ABCC4: variants seen among roughly 807,000 people sequenced by gnomAD.
ABCC4 encodes the protein ATP binding cassette subfamily C member 4 (PEL blood group).
Under a neutral mutation model 168.5 loss-of-function variants are expected in ABCC4, and 102 were observed. The observed-to-expected ratio is 0.61, with a 90% confidence interval of 0.52 to 0.71. ABCC4 has a LOEUF of 0.71. Among genes scored for constraint, ABCC4 ranks in the 30% least tolerant of loss-of-function variants. ABCC4 has a pLI of 0.00. For missense variants in ABCC4, 1,402 were observed against 1,605.8 expected (o/e 0.87, Z 2.17); for synonymous variants, 617 against 590.7 (o/e 1.04, Z -0.65).
intron 4 of ABCC4, among the ~76,000 whole-genome samples, chr13:95,233,957 C>T (rs527503768): frequency 5.9e-5 from 9 of 152,230 alleles, no homozygotes; most frequent in African/African-American, 1.9e-4. Flanking sequence ...TCTTAAATAC[C>T]ATTAAAAACA....
At chr13:95,090,589 A>G (rs1344169819) in intron 20 of ABCC4, among the ~76,000 whole-genome samples, 2 of 152,190 alleles carry the variant, frequency 1.3e-5, no homozygotes, top group African/African-American at 4.8e-5. Context: ...AGAGTACTAT[A>G]TCAAGGGAAC....
At position 95,104,836 on chromosome 13, in the gene ABCC4, G is replaced by A. The variant is rs370514868; in HGVS notation, c.2535+11086C>T. 5.9e-5 allele frequency among the ~76,000 whole-genome samples: 9 copies of A among 152,300 alleles called. No individual in the cohort carries two copies. In the East Asian group the frequency reaches 7.7e-4, roughly 13 times the overall value. Reference sequence around the variant, plus strand: ...ATGTGCTACAGGTGGAGTGGAGGGTGCTGTGAATCCAGAAGGTGGTGAAAA... The same window carrying A: ...ATGTGCTACAGGTGGAGTGGAGGGTACTGTGAATCCAGAAGGTGGTGAAAA... On this transcript the variant is annotated intron_variant, in intron 20 of 30. Transcript: ENST00000645237.
rs1412793072 is a variant in ABCC4 at position 95,234,767 on chromosome 13, G to T, written c.374C>A (p.Pro125His). ...KIINYFENYD[P>H]MDSVALNTAY... Reference sequence around the variant, plus strand: ...TGTGTTCAAAGCCACAGAATCCATGGGATCATAATTTTCAAAATAATTAAT... The same window carrying T: ...TGTGTTCAAAGCCACAGAATCCATGTGATCATAATTTTCAAAATAATTAAT... Residue 125 changes from proline to histidine, a missense_variant, in exon 4 of 31, where the codon CCC becomes CAC. By Grantham distance (77) the Pro-to-His change is moderately conservative (BLOSUM62 -2). Coordinates refer to ENST00000645237, the MANE Select transcript of ABCC4 (RefSeq NM_005845.5). The T allele has an allele frequency of 1.9e-6, 3 of 1,612,740 alleles. No homozygotes were observed. The Admixed American group carries it at 5.0e-5, about 27-fold the overall frequency.
intron 19 of ABCC4, among the ~76,000 whole-genome samples, chr13:95,123,998 G>T (rs1005992462): frequency 6.6e-6 from 1 of 152,278 alleles, no homozygotes; most frequent in South Asian, 2.1e-4. Flanking sequence ...AAAGGGTGAC[G>T]GGATGACAAA....
At chr13:95,192,720 C>G (rs2038294373) in intron 9 of ABCC4, among the ~76,000 whole-genome samples, 1 of 152,122 alleles carries the variant, frequency 6.6e-6, no homozygotes. Context: ...AAATTCAAGA[C>G]CAGCCTGGCC....
intron 11 of ABCC4, among the ~76,000 whole-genome samples, chr13:95,184,249 T>C (rs1009627362): frequency 1.4e-4 from 21 of 152,282 alleles, no homozygotes; most frequent in Admixed American, 2.6e-4. Flanking sequence ...CCCAGAGACT[T>C]TCTGATGTGG....
intron 4 of ABCC4, among the ~76,000 whole-genome samples, chr13:95,213,152 G>C (rs906315689): frequency 1.3e-4 from 19 of 150,978 alleles, no homozygotes; most frequent in Admixed American, 4.6e-4. Context: ...GGAAGACACA[G>C]CTGACAAGCA....
At chr13:95,094,833 A>AAC (rs1566411389) in intron 20 of ABCC4, among the ~76,000 whole-genome samples, 1 of 152,112 alleles carries the variant, frequency 6.6e-6, no homozygotes, top group South Asian at 2.1e-4. Context: ...TAAGAAAAAA[A>AAC]AATCTCATCA....
chr13:95,181,085 T>C (rs1035931240), intron 11 of ABCC4, among the ~76,000 whole-genome samples: 1 of 152,250 alleles, frequency 6.6e-6, no homozygotes, highest in Non-Finnish European at 1.5e-5. Flanking sequence ...AGGTATCTCA[T>C]GCACGTTAGG....
intron 15 of ABCC4, among the ~76,000 whole-genome samples, chr13:95,165,870 A>C (rs2037254224): frequency 6.6e-6 from 1 of 152,218 alleles, no homozygotes; most frequent in South Asian, 2.1e-4. Flanking sequence ...CAGTAAATTC[A>C]AGAATTGTAG....
At chr13:95,189,062 C>T (rs957164953) in intron 9 of ABCC4, among the ~76,000 whole-genome samples, 1 of 149,532 alleles carries the variant, frequency 6.7e-6, no homozygotes, top group African/African-American at 2.5e-5. Context: ...CACCCACCGA[C>T]AAGCCCCGTA....
At position 95,247,638 on chromosome 13, in the gene ABCC4, C is replaced by T. The variant is rs374824405; in HGVS notation, c.185+5G>A. 1 of 1,611,398 alleles carries T rather than the reference C, an allele frequency of 6.2e-7. No homozygotes were observed. On this transcript the variant is annotated splice_donor_5th_base_variant and intron_variant, in intron 2 of 30. Transcript: ENST00000645237. ...TTAATGCCCACTTTACTGCCTCCGA[C>T]TTACCCTTGCAACTCCTCTCCAAGG...
chr13:95,054,154 T>G (rs1478956582), intron 26 of ABCC4, among the ~76,000 whole-genome samples: 2 of 150,648 alleles, frequency 1.3e-5, no homozygotes, highest in Non-Finnish European at 3.0e-5. Flanking sequence ...CCCCACATTA[T>G]CTCATCTGTG....
intron 3 of ABCC4, among the ~76,000 whole-genome samples, chr13:95,244,548 C>A (rs1329733742): frequency 6.9e-6 from 1 of 145,948 alleles, no homozygotes; most frequent in African/African-American, 2.6e-5. Flanking sequence ...TCCAGCCTGG[C>A]AACAGAGTGA....
intron 20 of ABCC4, among the ~76,000 whole-genome samples, chr13:95,106,954 G>C (rs2035028806): frequency 2.6e-5 from 4 of 152,096 alleles, no homozygotes; most frequent in African/African-American, 4.8e-5. Context: ...ATCCTTTACA[G>C]ACAGTTTTTA....
At chr13:95,047,418 T>C (rs2032623758) in intron 27 of ABCC4, among the ~76,000 whole-genome samples, 2 of 147,638 alleles carry the variant, frequency 1.4e-5, no homozygotes, top group Admixed American at 1.3e-4. Flanking sequence ...GATCAATAGA[T>C]AATATCTATT....
intron 1 of ABCC4, among the ~76,000 whole-genome samples, chr13:95,290,997 C>A (rs866621992): frequency 1.3e-3 from 47 of 36,414 alleles, no homozygotes; most frequent in South Asian, 2.1e-3. Flanking sequence ...GACCCTGTCT[C>A]AAAAAAAAAA....
At chr13:95,092,129 T>C (rs1160909698) in intron 20 of ABCC4, among the ~76,000 whole-genome samples, 1 of 152,130 alleles carries the variant, frequency 6.6e-6, no homozygotes, top group Non-Finnish European at 1.5e-5. Flanking sequence ...TAAACATATA[T>C]GCACCCAACA....
At chr13:95,074,032 T>C (rs2033815713) in intron 23 of ABCC4, among the ~76,000 whole-genome samples, 182 bp downstream of exon 23, 1 of 152,190 alleles carries the variant, frequency 6.6e-6, no homozygotes, top group African/African-American at 2.4e-5. Flanking sequence ...AAGACCCAAA[T>C]GACTCCTTAA....
Sources: allele counts gnomAD v4.1 joint callset (sites outside exome capture counted in the v4.1 genomes callset), GRCh38; gene constraint gnomAD v4.1.1; transcripts MANE v1.5; gene names NCBI Gene and HGNC (gene_info 2026-07-23, HGNC 2026-07-21).